Variants in INPP5F observed in about 807,000 individuals in gnomAD.
INPP5F encodes phosphatidylinositide 4-phosphatase SAC2.
A neutral mutation model predicts 137.2 loss-of-function variants in INPP5F; 97 were observed. The observed-to-expected ratio is 0.71, with a 90% CI of 0.60 to 0.84. The LOEUF (loss-of-function observed/expected upper bound fraction) is 0.84. Ranked by LOEUF, INPP5F falls within the 40% of genes least tolerant of loss-of-function variation. INPP5F has a pLI of 0.00. For synonymous variants in INPP5F, 504 were observed against 476.9 expected (o/e 1.06, Z -0.74); for missense variants, 1,271 against 1,371.9 (o/e 0.93, Z 1.16).
chr10:119,801,266 T>C (rs1850582325), intron 9 of INPP5F, among the ~76,000 whole-genome samples: 1 of 152,254 alleles, frequency 6.6e-6, no homozygotes. Context: ...TAACAGCGTA[T>C]GGTATGTTAG....
At chr10:119,781,444 T>G (rs1453489669) in intron 2 of INPP5F, among the ~76,000 whole-genome samples, 191 bp from the exon 3 acceptor site, 1 of 152,234 alleles carries the variant, frequency 6.6e-6, no homozygotes, top group East Asian at 1.9e-4. Flanking sequence ...TTTCTCTAAT[T>G]ATGAGTGAGA....
chr10:119,813,529 G>A (rs1407466974), intron 15 of INPP5F, among the ~76,000 whole-genome samples: 1 of 152,022 alleles, frequency 6.6e-6, no homozygotes, highest in African/African-American at 2.4e-5. Context: ...GGAGGCTGAG[G>A]TGAGAGGAAC....
At chr10:119,820,993 CA>C (rs539776380) in intron 16 of INPP5F, 76 bp downstream of exon 16, 91 of 912,660 alleles carry the variant, frequency 1.0e-4, no homozygotes, top group African/African-American at 4.7e-4. Flanking sequence ...GAATTCGTAA[CA>C]AAAAAATGTG....
intron 15 of INPP5F, among the ~76,000 whole-genome samples, chr10:119,813,417 C>T (rs946351160): frequency 6.6e-6 from 1 of 152,028 alleles, no homozygotes; most frequent in Admixed American, 6.6e-5. Flanking sequence ...GAGGCCAAGG[C>T]AAGAGGATCA....
At chr10:119,768,784 T>G (rs1400261903) in intron 2 of INPP5F, among the ~76,000 whole-genome samples, 1 of 152,250 alleles carries the variant, frequency 6.6e-6, no homozygotes, top group Non-Finnish European at 1.5e-5. Flanking sequence ...TAAATGCACC[T>G]TCTCTTCCTT....
intron 6 of INPP5F, among the ~76,000 whole-genome samples, chr10:119,793,394 T>TAAAACAAAACAAAACAAAAC: frequency 6.7e-6 from 1 of 149,618 alleles, no homozygotes; most frequent in African/African-American, 2.5e-5. Flanking sequence ...GCAGGCTGCA[T>TAAAACAAAACAAAACAAAAC]AAAACAAAAC....
Position 119,797,474 on chromosome 10 carries a change from A to T in INPP5F, c.882A>T (p.Lys294Asn). 1 of 1,608,524 alleles carries T rather than the reference A, an allele frequency of 6.2e-7. No homozygotes were observed. Residue 294 changes from lysine (K) to asparagine (N), a missense_variant, in exon 8 of 20, where the codon AAA (lysine) becomes AAT (asparagine). By Grantham distance (94) the Lys-to-Asn change is moderately conservative. Transcript: ENST00000650623. ...RSRHRAGMRY[K>N]RRGVDKNGNV... is the part of the protein sequence containing the mutation. ...ATTTTCTTTCAGGAATGCGCTATAA[A>T]CGAAGAGGAGTGGATAAAAATGGAA...
intron 14 of INPP5F, among the ~76,000 whole-genome samples, chr10:119,811,056 A>G (rs367812002): frequency 2.4e-4 from 37 of 152,198 alleles, no homozygotes; most frequent in Admixed American, 7.9e-4. Context: ...TTCAAGGAAA[A>G]AAGAAGATAT....
At chr10:119,735,868 C>T (rs147208595) in intron 1 of INPP5F, among the ~76,000 whole-genome samples, 150 of 152,316 alleles carry the variant, frequency 9.8e-4, no homozygotes, top group African/African-American at 3.5e-3. Context: ...GTGGCTCATG[C>T]CTGTAATCCC....
In INPP5F at chr10:119,751,094, C is replaced by T; in HGVS notation, c.116C>T (p.Ala39Val). The T allele has an allele frequency of 6.2e-7, 1 of 1,608,942 alleles. No homozygotes were observed. The highest frequency in any genetic ancestry group is 1.1e-5 in the South Asian group (1 of 90,972). ...ATTTTAGCTACTGATCTACTTCTTG[C>T]CTGGAATCCCATTTGTTTGGGGTTG... is the stretch of plus-strand genomic sequence containing the variant. ...QLRPATDLLL[A>V]WNPICLGLVE... Residue 39 changes from alanine (A) to valine (V), a missense_variant, in exon 2 of 20, where the codon GCC becomes GTC. By Grantham distance (64) the Ala-to-Val change is moderately conservative (BLOSUM62 0). Transcript: ENST00000650623.
intron 1 of INPP5F, among the ~76,000 whole-genome samples, chr10:119,727,151 G>T (rs569955681): frequency 1.1e-4 from 17 of 152,340 alleles, no homozygotes; most frequent in African/African-American, 4.1e-4. Flanking sequence ...GTAAGATGGG[G>T]CTGGGTGGCA....
rs754142270 is a variant in INPP5F, at chr10:119,826,797, T to G, written c.2416T>G (p.Phe806Val). 25 of 1,613,652 alleles carry G rather than the reference T, an allele frequency of 1.5e-5. No homozygotes were observed. Among genetic ancestry groups the G allele is most frequent in the Non-Finnish European group, 2.0e-5 (24 of 1,179,912 alleles). Reference sequence around the variant, plus strand: ...TGGCAACCTCCGAAAGCTAGGAAACTTTACCAAACCTGAAATGAAAGTTAA... The same window carrying G: ...TGGCAACCTCCGAAAGCTAGGAAACGTTACCAAACCTGAAATGAAAGTTAA... ...NIGNLRKLGN[F>V]TKPEMKVNFL... Residue 806 changes from phenylalanine (F) to valine (V), a missense_variant, in exon 20 of 20, where the codon TTT (phenylalanine) becomes GTT (valine). Physicochemically the swap from Phe to Val is conservative, Grantham distance 50. Transcript: ENST00000650623.
chr10:119,750,980 G>T, intron 1 of INPP5F, 96 bp from the exon 2 acceptor site: 2 of 788,096 alleles, frequency 2.5e-6, no homozygotes, highest in Non-Finnish European at 4.4e-6. Context: ...CTGCTTTTTT[G>T]GGACATTGAT....
chr10:119,733,916 A>G (rs1848154457), intron 1 of INPP5F, among the ~76,000 whole-genome samples: 1 of 152,214 alleles, frequency 6.6e-6, no homozygotes, highest in Non-Finnish European at 1.5e-5. Context: ...TTTTTGTGAA[A>G]GTTGTACTGA....
chr10:119,758,058 T>C (rs1474057330), intron 2 of INPP5F, among the ~76,000 whole-genome samples: 1 of 152,166 alleles, frequency 6.6e-6, no homozygotes, highest in Non-Finnish European at 1.5e-5. Flanking sequence ...GGGCTGTAGG[T>C]TGAACAAGCT....
chr10:119,793,773 G>A (rs12779716), intron 6 of INPP5F, among the ~76,000 whole-genome samples: 7,215 of 152,210 alleles, frequency 0.047, 312 homozygotes, highest in South Asian at 0.26. Context: ...AGCCTCCCAA[G>A]TAGCTGGGAT....
At chr10:119,768,615 A>G (rs1380267909) in intron 2 of INPP5F, 1 of 152,170 alleles carries the variant, frequency 6.6e-6, no homozygotes, top group Non-Finnish European at 1.5e-5. Flanking sequence ...TAATTGCACA[A>G]CCGTGTGAGT....
chr10:119,728,502 C>A (rs1475147338), intron 1 of INPP5F, among the ~76,000 whole-genome samples: 1 of 152,140 alleles, frequency 6.6e-6, no homozygotes, highest in Non-Finnish European at 1.5e-5. Context: ...GTAGTGACAG[C>A]ATTTAAAATC....
chr10:119,829,040 G>T lies in INPP5F; in HGVS notation c.*1260G>T, dbSNP rs1002068829. On this transcript the variant is annotated 3_prime_UTR_variant, in exon 20 of 20. Coordinates refer to ENST00000650623, the MANE Select transcript of INPP5F (RefSeq NM_014937.4). ...CTGATTCTCAACTGAACATTATGTC[G>T]TTACTTTGATAAGCATTCCACTTTT... The T allele has an allele frequency of 4.6e-5, 7 of 152,388 alleles. No homozygotes were observed. Among genetic ancestry groups the T allele is most frequent in the Admixed American group, 3.9e-4 (6 of 15,276 alleles). The allele number at this position is 152,388 out of a possible 1,614,324, so 9.4% of individuals were successfully genotyped here.
Sources: gnomAD v4.1 joint callset for allele counts (sites outside exome capture counted in the v4.1 genomes callset) on GRCh38, gnomAD v4.1.1 for gene constraint, MANE v1.5 for transcripts, NCBI Gene and HGNC (gene_info 2026-07-23, HGNC 2026-07-21) for gene names.